The following SNTG1 variants were observed in gnomAD, a reference collection of about 807,000 sequenced individuals.
The protein encoded by SNTG1 is gamma-1-syntrophin.
In SNTG1, 39 loss-of-function variants were observed where a neutral mutation model predicts 74.7. That is an observed-to-expected ratio of 0.52 (90% CI 0.40 to 0.68). SNTG1 has a LOEUF of 0.68. Ranked by LOEUF, SNTG1 falls within the 30% of genes least tolerant of loss-of-function variation. The probability of loss-of-function intolerance (pLI) is 0.00; values close to 1 mark genes in which losing one functional copy is unlikely to be tolerated. For missense variants in SNTG1, 685 were observed against 609.5 expected (o/e 1.12, Z -1.30); for synonymous variants, 254 against 217.1 (o/e 1.17, Z -1.49).
intron 17 of SNTG1, among the ~76,000 whole-genome samples, chr8:50,729,120 G>A (rs578004057): frequency 1.3e-5 from 2 of 152,286 alleles, no homozygotes; most frequent in East Asian, 1.9e-4. Flanking sequence ...TTGTTGAGTG[G>A]TGCAGGTCCT....
At chr8:50,193,616 A>T (rs2083658455) in intron 2 of SNTG1, among the ~76,000 whole-genome samples, 2 of 152,074 alleles carry the variant, frequency 1.3e-5, no homozygotes, top group African/African-American at 4.8e-5. Flanking sequence ...TCATCAGCAA[A>T]CAGTGACAGT....
At chr8:50,570,537 G>GC in intron 12 of SNTG1, among the ~76,000 whole-genome samples, 1 of 147,468 alleles carries the variant, frequency 6.8e-6, no homozygotes, top group Admixed American at 6.8e-5. Flanking sequence ...GGGATTACAG[G>GC]GTGAGCCACC....
At chr8:50,637,823 T>C (rs901022898) in intron 13 of SNTG1, among the ~76,000 whole-genome samples, 1 of 152,158 alleles carries the variant, frequency 6.6e-6, no homozygotes, top group African/African-American at 2.4e-5. Flanking sequence ...TATTTTATTG[T>C]TCAATTAAAT....
At chr8:50,121,706 T>C (rs909096522) in intron 1 of SNTG1, among the ~76,000 whole-genome samples, 1 of 141,650 alleles carries the variant, frequency 7.1e-6, no homozygotes, top group Non-Finnish European at 1.6e-5. Flanking sequence ...TTTTAAATCA[T>C]GAAAATAAGC....
chr8:50,434,232 T>C (rs1044935224), intron 4 of SNTG1, among the ~76,000 whole-genome samples: 7 of 152,216 alleles, frequency 4.6e-5, no homozygotes, highest in Admixed American at 2.6e-4. Context: ...TCCTTTTTTA[T>C]GGCTGCATAG....
chr8:50,544,854 C>A (rs2094374971), intron 11 of SNTG1, among the ~76,000 whole-genome samples: 1 of 151,856 alleles, frequency 6.6e-6, no homozygotes, highest in Admixed American at 6.6e-5. Flanking sequence ...AGCTCACAGA[C>A]TAGTAGTAGT....
At chr8:50,261,983 G>A (rs1470931883) in intron 2 of SNTG1, among the ~76,000 whole-genome samples, 1 of 152,058 alleles carries the variant, frequency 6.6e-6, no homozygotes. Flanking sequence ...TAGAGAATTT[G>A]GCAGGGGTCC....
At chr8:50,313,041 CAAA>C (rs2090176591) in intron 2 of SNTG1, among the ~76,000 whole-genome samples, 1 of 149,536 alleles carries the variant, frequency 6.7e-6, no homozygotes, top group African/African-American at 2.5e-5. Flanking sequence ...TAATCTTTCA[CAAA>C]AATAGAGCAC....
intron 4 of SNTG1, among the ~76,000 whole-genome samples, chr8:50,411,950 T>G (rs1252025886): frequency 6.6e-6 from 1 of 152,148 alleles, no homozygotes; most frequent in Non-Finnish European, 1.5e-5. Context: ...CTACTGCCTG[T>G]GTCTCCTTTG....
chr8:49,935,493 G>C (rs1379819657), intron 1 of SNTG1, among the ~76,000 whole-genome samples: 1 of 135,040 alleles, frequency 7.4e-6, no homozygotes, highest in Non-Finnish European at 1.5e-5. Flanking sequence ...TGGAAAAAAA[G>C]TGGCTTCATG....
chr8:50,001,100 T>C (rs1431001417), intron 1 of SNTG1, among the ~76,000 whole-genome samples: 1 of 152,234 alleles, frequency 6.6e-6, no homozygotes, highest in East Asian at 1.9e-4. Flanking sequence ...CTGTGACTTG[T>C]GCAGAAATGA....
At chr8:49,960,672 A>G (rs538789135) in intron 1 of SNTG1, among the ~76,000 whole-genome samples, 1 of 152,304 alleles carries the variant, frequency 6.6e-6, no homozygotes, top group South Asian at 2.1e-4. Flanking sequence ...GCTCACATAT[A>G]TCACATGTAA....
intron 2 of SNTG1, among the ~76,000 whole-genome samples, chr8:50,342,718 T>C (rs928318030): frequency 3.3e-5 from 5 of 152,128 alleles, no homozygotes; most frequent in African/African-American, 4.8e-5. Context: ...GGACTACTCT[T>C]CAAATAAGTT....
chr8:50,081,163 G>C (rs1248345568), intron 1 of SNTG1, among the ~76,000 whole-genome samples: 1 of 152,032 alleles, frequency 6.6e-6, no homozygotes, highest in Non-Finnish European at 1.5e-5. Flanking sequence ...ATTCAGGGCT[G>C]CTAGCAACAG....
At position 49,942,331 on chromosome 8, in the gene SNTG1, T is replaced by C. The variant is rs112548358; in HGVS notation, c.-103+30100T>C. 3.3e-3 allele frequency among the ~76,000 whole-genome samples: 504 copies of C among 152,340 alleles called. 4 individuals are homozygous for C. Among genetic ancestry groups the C allele is most frequent in the Middle Eastern group, 6.8e-3 (2 of 294 alleles). On this transcript the variant is annotated intron_variant, in intron 1 of 18. Coordinates refer to ENST00000642720, the MANE Select transcript of SNTG1 (RefSeq NM_018967.5). The stretch of plus-strand genomic sequence containing the variant: ...ATTTCTTTTTCAAAATAAATTTTAT[T>C]TTTTGAGTAGTTTTTAATATACAGA...
intron 2 of SNTG1, among the ~76,000 whole-genome samples, chr8:50,385,394 A>ATC (rs1237700346): frequency 1.3e-5 from 2 of 152,224 alleles, no homozygotes; most frequent in African/African-American, 4.8e-5. Context: ...TTAGAAGGGT[A>ATC]TCTCAACTGA....
At chr8:50,532,676 A>T (rs1197247595) in intron 10 of SNTG1, among the ~76,000 whole-genome samples, 2 of 152,212 alleles carry the variant, frequency 1.3e-5, no homozygotes, top group Non-Finnish European at 2.9e-5. Context: ...GAGGAATGGC[A>T]AGTGGAGAAC....
chr8:50,562,201 G>A (rs974556766), intron 12 of SNTG1, among the ~76,000 whole-genome samples: 1 of 152,212 alleles, frequency 6.6e-6, no homozygotes, highest in African/African-American at 2.4e-5. Context: ...CCCACGCAAA[G>A]ATGTCTATGT....
At chr8:50,263,826 G>C (rs1238720436) in intron 2 of SNTG1, among the ~76,000 whole-genome samples, 1 of 152,158 alleles carries the variant, frequency 6.6e-6, no homozygotes, top group Admixed American at 6.5e-5. Context: ...ACAGCTCTAT[G>C]AATCCTTGCT....
Sources: gnomAD v4.1 joint callset for allele counts (sites outside exome capture counted in the v4.1 genomes callset) on GRCh38, gnomAD v4.1.1 for gene constraint, MANE v1.5 for transcripts, NCBI Gene and HGNC (gene_info 2026-07-23, HGNC 2026-07-21) for gene names.